EPAS1: variants seen among roughly 807,000 people sequenced by gnomAD.
The protein encoded by EPAS1 is endothelial PAS domain protein 1.
In EPAS1, 23 loss-of-function variants were observed where a neutral mutation model predicts 87.9. The observed-to-expected ratio is 0.26, with a 90% CI of 0.19 to 0.37. EPAS1 has a LOEUF of 0.37. Among genes scored for constraint, EPAS1 ranks in the 10% least tolerant of loss-of-function variants. The pLI, the probability that EPAS1 is intolerant of heterozygous loss-of-function variation, is 1.00. For missense variants in EPAS1, 1,138 were observed against 1,120.7 expected (o/e 1.02, Z -0.22); for synonymous variants, 508 against 444.3 (o/e 1.14, Z -1.80).
rs1682914055 is a variant in EPAS1, at chr2:46,297,821, G to A, written c.-91G>A. 2 of 1,543,508 alleles carry A rather than the reference G, an allele frequency of 1.3e-6. No individual in the cohort carries two copies. Among genetic ancestry groups the A allele is most frequent in the Non-Finnish European group, 1.8e-6 (2 of 1,139,520 alleles). ...ACCTCGGACCTTCACCACCCGCCCG[G>A]GCCGCGGGGAGCGGACGAGGGCCAC... On this transcript the variant is annotated 5_prime_UTR_variant, in exon 1 of 16. Coordinates refer to ENST00000263734, the MANE Select transcript of EPAS1 (RefSeq NM_001430.5).
At chr2:46,302,183 C>G (rs1421774200) in intron 1 of EPAS1, among the ~76,000 whole-genome samples, 1 of 143,598 alleles carries the variant, frequency 7.0e-6, no homozygotes, top group Non-Finnish European at 1.5e-5. Flanking sequence ...AGTGGTGATT[C>G]TCAACTTTCT....
intron 1 of EPAS1, among the ~76,000 whole-genome samples, chr2:46,298,193 T>C (rs1163884418): frequency 6.6e-6 from 1 of 152,102 alleles, no homozygotes; most frequent in Non-Finnish European, 1.5e-5. Context: ...CCGAGGGAGA[T>C]GGCCTGGAGG....
At position 46,384,745 on chromosome 2, in the gene EPAS1, T is replaced by C; in HGVS notation, c.*85T>C. 1 of 1,531,076 alleles carries C rather than the reference T, an allele frequency of 6.5e-7. No homozygotes were observed. Among genetic ancestry groups the C allele is most frequent in the Non-Finnish European group, 8.8e-7 (1 of 1,133,310 alleles). 94.8% of individuals were successfully genotyped at this position (1,531,076 alleles called of 1,614,324 possible). On this transcript the variant is annotated 3_prime_UTR_variant, in exon 16 of 16. Coordinates refer to ENST00000263734, the MANE Select transcript of EPAS1 (RefSeq NM_001430.5). ...CCGTCTGTTTTTGCAACTAGGTATT[T>C]CTAACGCCAGCACACTATTTACAAG...
Position 46,347,080 on chromosome 2 carries a change from C to G in EPAS1, c.217+17C>G. The G allele has an allele frequency of 6.2e-7, 1 of 1,614,076 alleles. No individual in the cohort carries two copies. The highest frequency in any genetic ancestry group is 8.5e-7 in the Non-Finnish European group (1 of 1,179,964). ...TCTCCTCAGGTAAGGCCAGCAGGCT[C>G]CCCTAGGCTGGGCAGATGCCAGCCT... On this transcript the variant is annotated intron_variant, in intron 2 of 15. Transcript: ENST00000263734. This position sits in a 1 kb window ranked among gnomAD's most constrained non-coding sequence, Gnocchi z 4.2.
intron 1 of EPAS1, among the ~76,000 whole-genome samples, chr2:46,316,625 G>A (rs1418943578): frequency 1.3e-5 from 2 of 152,198 alleles, no homozygotes; most frequent in African/African-American, 4.8e-5. Context: ...AATCATCTGA[G>A]CCTTCAGTGA....
intron 1 of EPAS1, among the ~76,000 whole-genome samples, chr2:46,298,224 C>A (rs1024442032): frequency 1.3e-5 from 2 of 152,152 alleles, no homozygotes; most frequent in African/African-American, 2.4e-5. Flanking sequence ...TTCCGCGGTG[C>A]CTTTGAAAAT....
At chr2:46,338,550 T>A (rs1437583347) in intron 1 of EPAS1, among the ~76,000 whole-genome samples, 2 of 152,054 alleles carry the variant, frequency 1.3e-5, no homozygotes, top group East Asian at 3.8e-4. Context: ...CTGCAGTGGA[T>A]AAGATGAGGG....
At chr2:46,303,399 G>C (rs969076607) in intron 1 of EPAS1, among the ~76,000 whole-genome samples, 8 of 152,166 alleles carry the variant, frequency 5.3e-5, no homozygotes, top group Non-Finnish European at 1.2e-4. Flanking sequence ...GCTCCCTATG[G>C]TGTATCCCTT....
rs185290599 is a variant in EPAS1, at chr2:46,356,359, A to G, written c.369+57A>G. 1.1e-4 allele frequency: 172 copies of G among 1,605,528 alleles called. No homozygotes were observed. In the African/African-American group the frequency reaches 2.2e-3, roughly 20 times the overall value. On this transcript the variant is annotated intron_variant, in intron 3 of 15. Coordinates refer to ENST00000263734, the MANE Select transcript of EPAS1 (RefSeq NM_001430.5). The stretch of plus-strand genomic sequence containing the variant: ...GAAATGTTTCCATTTGGGGGTAGAA[A>G]TGAGTGGAAGGTGCTAGCCACAATC...
chr2:46,332,286 A>AAT (rs1314599463), intron 1 of EPAS1, among the ~76,000 whole-genome samples: 2 of 123,004 alleles, frequency 1.6e-5, no homozygotes, highest in African/African-American at 5.8e-5. Flanking sequence ...AAAAAAAAAA[A>AAT]AATACGTGTG....
intron 1 of EPAS1, among the ~76,000 whole-genome samples, chr2:46,298,173 G>A (rs1001852132): frequency 1.3e-5 from 2 of 152,206 alleles, no homozygotes; most frequent in East Asian, 1.9e-4. Context: ...CGCACGGCGA[G>A]GCCAGGAGGC....
intron 1 of EPAS1, among the ~76,000 whole-genome samples, chr2:46,331,333 CAAAT>C (rs761363047): frequency 7.2e-5 from 11 of 152,206 alleles, no homozygotes; most frequent in African/African-American, 1.2e-4. Flanking sequence ...CAGTAACTGT[CAAAT>C]AAATGAAAGC....
intron 7 of EPAS1, among the ~76,000 whole-genome samples, chr2:46,374,782 C>A (rs769037756): frequency 1.2e-4 from 18 of 152,158 alleles, no homozygotes; most frequent in Non-Finnish European, 2.1e-4. Flanking sequence ...TTTTGAATGG[C>A]AGCAGATGGA....
intron 4 of EPAS1, among the ~76,000 whole-genome samples, chr2:46,357,907 T>C (rs914347816): frequency 2.6e-5 from 4 of 152,206 alleles, no homozygotes; most frequent in Non-Finnish European, 5.9e-5. Flanking sequence ...AATAGGGACA[T>C]TGTTAAGAGG....
Position 46,378,757 on chromosome 2 carries a change from G to T in EPAS1, c.1544G>T (p.Cys515Phe). 1 of 1,613,986 alleles carries T rather than the reference G, an allele frequency of 6.2e-7. No individual in the cohort carries two copies. The highest frequency in any genetic ancestry group is 8.5e-7 in the Non-Finnish European group (1 of 1,179,808). ...ATGGACACAGAGGCCAAGGACCAAT[G>T]CAGTACCCAGGTAGATGGCTGTGGA... ...FAMDTEAKDQ[C>F]STQTDFNELD... The change falls in exon 11 of 16, where the codon TGC (cysteine) becomes TTC (phenylalanine). Residue 515 changes from cysteine to phenylalanine, a missense_variant. Cys to Phe is a radical substitution (Grantham distance 205). This residue lies in a region of EPAS1 where 284 missense variants were observed against 258.4 expected (regional missense o/e 1.10). Coordinates refer to ENST00000263734, the MANE Select transcript of EPAS1 (RefSeq NM_001430.5).
intron 1 of EPAS1, among the ~76,000 whole-genome samples, chr2:46,305,591 A>G (rs749530815): frequency 7.2e-5 from 11 of 152,220 alleles, no homozygotes; most frequent in Admixed American, 4.6e-4. Context: ...TGTCAATGAG[A>G]AAAATGACCC....
At chr2:46,322,469 A>C (rs1340269079) in intron 1 of EPAS1, among the ~76,000 whole-genome samples, 4 of 152,162 alleles carry the variant, frequency 2.6e-5, no homozygotes, top group Non-Finnish European at 5.9e-5. Flanking sequence ...GGGGCTTATT[A>C]AAACTCAGAT....
Position 46,375,850 on chromosome 2 carries a change from G to A in EPAS1, c.1034+13G>A. 6.2e-7 allele frequency: 1 copy of A among 1,614,160 alleles called. No individual in the cohort carries two copies. The highest frequency in any genetic ancestry group is 2.2e-5 in the East Asian group (1 of 44,880). The stretch of plus-strand genomic sequence containing the variant: ...ACTACGTCCTGAGGTAAGCATGTGA[G>A]GGCTGGCGGGCCTTGGTGCAGGGTA... On this transcript the variant is annotated intron_variant, in intron 8 of 15. Coordinates refer to ENST00000263734, the MANE Select transcript of EPAS1 (RefSeq NM_001430.5). The surrounding 1 kb of genome is among the most constrained non-coding windows in gnomAD (Gnocchi z 4.1).
chr2:46,362,965 GGTGGTGGTGGTA>G (rs1319380487), intron 6 of EPAS1, among the ~76,000 whole-genome samples: 8,511 of 111,878 alleles, frequency 0.076, 406 homozygotes, highest in South Asian at 0.085. Context: ...TGGTGGTGGT[GGTGGTGGTGGTA>G]GTGGTGGTGG....
Sources: gnomAD v4.1 joint callset for allele counts (sites outside exome capture counted in the v4.1 genomes callset) on GRCh38, gnomAD v4.1.1 for gene constraint, gnomAD v4.1.1 regional missense constraint, Gnocchi (gnomAD v3.1) non-coding constraint, MANE v1.5 for transcripts, NCBI Gene and HGNC (gene_info 2026-07-23, HGNC 2026-07-21) for gene names.